NALCN: variants seen among roughly 807,000 people sequenced by gnomAD.
The protein encoded by NALCN is sodium leak channel, non-selective, also known as sodium leak channel NALCN.
Under a neutral mutation model 225.3 loss-of-function variants are expected in NALCN, and 111 were observed. The observed-to-expected ratio is 0.49, with a 90% CI of 0.42 to 0.58. NALCN has a LOEUF of 0.58. Ranked by LOEUF, NALCN falls within the 20% of genes least tolerant of loss-of-function variation. The pLI is 0.00. For synonymous variants in NALCN, 764 were observed against 769.0 expected (o/e 0.99, Z 0.11); for missense variants, 1,378 against 2,202.4 (o/e 0.63, Z 7.49).
intron 12 of NALCN, among the ~76,000 whole-genome samples, chr13:101,230,626 C>T (rs1299458899): frequency 6.6e-6 from 1 of 152,056 alleles, no homozygotes; most frequent in Non-Finnish European, 1.5e-5. Flanking sequence ...ATAGTGTAGC[C>T]CCTTTGGACC....
intron 3 of NALCN, among the ~76,000 whole-genome samples, chr13:101,387,824 T>C (rs1342285453): frequency 1.3e-5 from 2 of 152,156 alleles, no homozygotes; most frequent in African/African-American, 4.8e-5. Context: ...ACCTACAATA[T>C]GTACAAATTT....
chr13:101,075,186 T>G (rs2033172314), intron 35 of NALCN, among the ~76,000 whole-genome samples: 1 of 152,120 alleles, frequency 6.6e-6, no homozygotes, highest in Admixed American at 6.6e-5. Context: ...GAAACAGCAT[T>G]GTAAAAAATG....
Position 101,331,413 on chromosome 13 carries a change from A to T in NALCN, c.799+13853T>A, listed in dbSNP as rs531303798. Among the ~76,000 whole-genome samples, 45 of 152,340 alleles carry T rather than the reference A, an allele frequency of 3.0e-4. 1 individual carries two copies. Among genetic ancestry groups the T allele is most frequent in the Admixed American group, 2.7e-3 (41 of 15,298 alleles). The stretch of plus-strand genomic sequence containing the variant: ...TATAGATGTTGGAATTGAAAATTCG[A>T]TAAATAAATAGCAGTCTAGACACAC... On this transcript the variant is annotated intron_variant, in intron 7 of 43. Transcript: ENST00000251127.
At chr13:101,260,349 C>T (rs2042384235) in intron 10 of NALCN, among the ~76,000 whole-genome samples, 1 of 152,166 alleles carries the variant, frequency 6.6e-6, no homozygotes, top group Non-Finnish European at 1.5e-5. Context: ...GAAGATTTCT[C>T]TTAGATATAC....
In NALCN at chr13:101,112,147, A is replaced by G. The variant is rs150608810; in HGVS notation, c.2193-921T>C. On this transcript the variant is annotated intron_variant, in intron 18 of 43. Transcript: ENST00000251127. ...TAACACGACTGAACTGTACACTTAGAAATGGTTTAGATGGTAAATGTTATG... is the reference window on the plus strand; with the variant it reads ...TAACACGACTGAACTGTACACTTAGGAATGGTTTAGATGGTAAATGTTATG... 1.7e-4 allele frequency among the ~76,000 whole-genome samples: 26 copies of G among 152,180 alleles called. 1 individual carries two copies. The East Asian group carries it at 5.0e-3, about 29-fold the overall frequency.
At chr13:101,190,243 G>C (rs1475196487) in intron 14 of NALCN, among the ~76,000 whole-genome samples, 3 of 152,192 alleles carry the variant, frequency 2.0e-5, no homozygotes, top group African/African-American at 7.2e-5. Flanking sequence ...AAAATAATTA[G>C]ATTGATATTC....
At chr13:101,377,594 G>T (rs1018807007) in intron 4 of NALCN, among the ~76,000 whole-genome samples, 4 of 152,048 alleles carry the variant, frequency 2.6e-5, no homozygotes, top group Admixed American at 2.6e-4. Flanking sequence ...ATTAAATTGT[G>T]GGAGAGGTGA....
chr13:101,343,376 T>A (rs2045617652), intron 7 of NALCN, among the ~76,000 whole-genome samples: 1 of 151,844 alleles, frequency 6.6e-6, no homozygotes, highest in Admixed American at 6.6e-5. Flanking sequence ...AAGGAAGGAG[T>A]CATGAGGAAT....
intron 13 of NALCN, among the ~76,000 whole-genome samples, chr13:101,211,627 G>T (rs1283185599): frequency 7.0e-6 from 1 of 143,564 alleles, no homozygotes; most frequent in South Asian, 2.2e-4. Flanking sequence ...GTTTTTTTTG[G>T]GGGGGGAGAC....
chr13:101,168,374 G>A (rs891232914), intron 15 of NALCN, among the ~76,000 whole-genome samples: 1 of 151,778 alleles, frequency 6.6e-6, no homozygotes, highest in African/African-American at 2.4e-5. Flanking sequence ...TATTTCCCAG[G>A]CATCTCAGGG....
intron 7 of NALCN, among the ~76,000 whole-genome samples, chr13:101,301,309 G>A (rs535679672): frequency 1.3e-5 from 2 of 152,276 alleles, no homozygotes; most frequent in Admixed American, 6.5e-5. Context: ...TGAGAGTAAG[G>A]GTAGCAAAGA....
chr13:101,170,819 C>T (rs1466791907), intron 15 of NALCN, among the ~76,000 whole-genome samples: 6 of 152,178 alleles, frequency 3.9e-5, no homozygotes, highest in African/African-American at 1.4e-4. Flanking sequence ...ACCTATACTT[C>T]CCTTTTCGAT....
At chr13:101,123,497 C>T (rs1380258733) in intron 18 of NALCN, among the ~76,000 whole-genome samples, 7 of 152,102 alleles carry the variant, frequency 4.6e-5, no homozygotes, top group Non-Finnish European at 7.4e-5. Context: ...ACCAGCCAGT[C>T]GGGAGTAAGC....
chr13:101,157,272 C>T (rs936293713), intron 15 of NALCN, among the ~76,000 whole-genome samples: 1 of 152,128 alleles, frequency 6.6e-6, no homozygotes, highest in Admixed American at 6.5e-5. Flanking sequence ...CTGAGAGAGC[C>T]TAGAAACACT....
At chr13:101,284,517 A>G (rs2043274089) in intron 9 of NALCN, among the ~76,000 whole-genome samples, 1 of 152,204 alleles carries the variant, frequency 6.6e-6, no homozygotes, top group South Asian at 2.1e-4. Context: ...ACCTAATAAA[A>G]ATATTCTCAG....
At chr13:101,148,481 C>T (rs1404563065) in intron 15 of NALCN, among the ~76,000 whole-genome samples, 3 of 152,204 alleles carry the variant, frequency 2.0e-5, no homozygotes, top group African/African-American at 7.2e-5. Context: ...TCTGCAAAGA[C>T]CCAATTTCCA....
At chr13:101,111,267 T>C in intron 18 of NALCN, 41 bp from the exon 19 acceptor site, 6 of 1,533,860 alleles carry the variant, frequency 3.9e-6, no homozygotes, top group Middle Eastern at 1.7e-4. Context: ...GCATGGTTTG[T>C]ACACTTGAGA....
chr13:101,142,201 G>A (rs2037119938), intron 17 of NALCN, among the ~76,000 whole-genome samples: 1 of 140,486 alleles, frequency 7.1e-6, no homozygotes, highest in Non-Finnish European at 1.5e-5. Flanking sequence ...GAGTACAGTG[G>A]CACAATCTCA....
intron 1 of NALCN, among the ~76,000 whole-genome samples, chr13:101,406,353 C>T (rs1477301877): frequency 2.0e-5 from 3 of 151,854 alleles, no homozygotes; most frequent in Non-Finnish European, 4.4e-5. Flanking sequence ...AAAGAATATG[C>T]ACTATGTCAT....
Sources: allele counts gnomAD v4.1 joint callset (sites outside exome capture counted in the v4.1 genomes callset), GRCh38; gene constraint gnomAD v4.1.1; transcripts MANE v1.5; gene names NCBI Gene and HGNC (gene_info 2026-07-23, HGNC 2026-07-21).